The following PCDHGA5 variants were observed in gnomAD, a reference collection of about 807,000 sequenced individuals.
The protein encoded by PCDHGA5 is protocadherin gamma subfamily A, 5.
In PCDHGA5, 36 loss-of-function variants were observed where a neutral mutation model predicts 56.7. The observed-to-expected ratio is 0.64, with a 90% CI of 0.49 to 0.84. The LOEUF (loss-of-function observed/expected upper bound fraction) is 0.84, where lower values mean the gene tolerates loss of function less well. Ranked by LOEUF, PCDHGA5 falls within the 40% of genes least tolerant of loss-of-function variation. PCDHGA5 has a pLI of 0.00. For synonymous variants in PCDHGA5, 563 were observed against 520.2 expected, an observed-to-expected ratio of 1.08 and a Z score of -1.12; for missense variants, 1,305 against 1,201.5, an observed-to-expected ratio of 1.09 and a Z score of -1.27.
rs774366625 is a variant in PCDHGA5, at chr5:141,384,613, T to A, written c.2421+17862T>A. On this transcript the variant is annotated intron_variant, in intron 1 of 3. Coordinates refer to ENST00000518069, the MANE Select transcript of PCDHGA5 (RefSeq NM_018918.3). ...GTACCCGGCCCTCCCCACAGATGGTTCTACTGGCATGGAGCTGGCACCCCG... is the reference window on the plus strand; with the variant it reads ...GTACCCGGCCCTCCCCACAGATGGTACTACTGGCATGGAGCTGGCACCCCG... The A allele has an allele frequency of 9.9e-6, 16 of 1,614,202 alleles. No homozygotes were observed. The Admixed American group carries it at 2.7e-4, about 27-fold the overall frequency.
chr5:141,455,254 G>T (rs936599726), intron 1 of PCDHGA5, among the ~76,000 whole-genome samples: 3 of 151,732 alleles, frequency 2.0e-5, no homozygotes, highest in African/African-American at 7.3e-5. Context: ...TAGTACAATC[G>T]CATTTCTTCC....
At chr5:141,402,816 C>A (rs1009078444) in intron 1 of PCDHGA5, 4 of 1,261,760 alleles carry the variant, frequency 3.2e-6, no homozygotes, top group South Asian at 3.4e-5. Flanking sequence ...ATACCACAAA[C>A]CTGCTCCCAG....
chr5:141,367,840 G>A (rs1011519474), intron 1 of PCDHGA5: 3 of 151,982 alleles, frequency 2.0e-5, no homozygotes, highest in Admixed American at 2.0e-4. Flanking sequence ...AATACCTACT[G>A]CAATGTTAGC....
Position 141,365,471 on chromosome 5 carries a change from G to C in PCDHGA5, c.1141G>C (p.Glu381Gln). 1 of 1,614,030 alleles carries C rather than the reference G, an allele frequency of 6.2e-7. No homozygotes were observed. Among genetic ancestry groups the C allele is most frequent in the South Asian group, 1.1e-5 (1 of 91,084 alleles). ...VHDGDSGENG[E>Q]IACSIPRNLP... ...TGATGGTGATTCTGGAGAAAATGGT[G>C]AGATTGCATGCTCTATTCCTAGGAA... The change falls in exon 1 of 4, where the codon GAG (glutamate) becomes CAG (glutamine). Residue 381 changes from glutamate (E) to glutamine (Q), a missense_variant. Glu to Gln is a conservative substitution (Grantham distance 29, BLOSUM62 2). Coordinates refer to ENST00000518069, the MANE Select transcript of PCDHGA5 (RefSeq NM_018918.3).
At position 141,365,211 on chromosome 5, in the gene PCDHGA5, T is replaced by G; in HGVS notation, c.881T>G (p.Leu294Arg). ...EEEKISETFQLDSNLGEISTL... is the reference protein window; with the variant it reads ...EEEKISETFQRDSNLGEISTL... ...GAAAAAATTTCGGAGACTTTCCAAC[T>G]TGATTCCAACCTGGGGGAAATCTCA... is the stretch of plus-strand genomic sequence containing the variant. The change falls in exon 1 of 4, where the codon CTT becomes CGT. Residue 294 changes from leucine to arginine, a missense_variant. By Grantham distance (102) the Leu-to-Arg change is moderately radical (BLOSUM62 -2). Transcript: ENST00000518069. The G allele has an allele frequency of 6.2e-7, 1 of 1,613,934 alleles. No homozygotes were observed. Among genetic ancestry groups the G allele is most frequent in the Middle Eastern group, 1.6e-4 (1 of 6,062 alleles).
chr5:141,392,299 T>C (rs1165805349), intron 1 of PCDHGA5: 1 of 151,994 alleles, frequency 6.6e-6, no homozygotes, highest in African/African-American at 2.4e-5. Flanking sequence ...GAAATGAAAG[T>C]ATCATGTTTT....
At position 141,398,847 on chromosome 5, in the gene PCDHGA5, G is replaced by C. The variant is rs773663002; in HGVS notation, c.2421+32096G>C. ...TAACCGACGCCAATGATAATCCCCC[G>C]GTATTCAACCGAGACGTGTACAGAG... On this transcript the variant is annotated intron_variant, in intron 1 of 3. Coordinates refer to ENST00000518069, the MANE Select transcript of PCDHGA5 (RefSeq NM_018918.3). The C allele has an allele frequency of 3.8e-5, 62 of 1,613,758 alleles. 1 individual carries two copies. In the Admixed American group the frequency reaches 1.0e-3, roughly 27 times the overall value.
rs543209695 is a variant in PCDHGA5 at position 141,431,563 on chromosome 5, C to T, written c.2422-63244C>T. 24 of 1,614,026 alleles carry T rather than the reference C, an allele frequency of 1.5e-5. No individual in the cohort carries two copies. Among genetic ancestry groups the T allele is most frequent in the Non-Finnish European group, 1.9e-5 (23 of 1,180,046 alleles). ...AGCTGCTTGTAGTCAACGCTACCGA[C>T]CCTGACGAAGGAGTCAATGCGGAAG... On this transcript the variant is annotated intron_variant, in intron 1 of 3. Transcript: ENST00000518069. The surrounding 1 kb of genome is among the most constrained non-coding windows in gnomAD (Gnocchi z 4.8).
At chr5:141,396,562 G>C (rs2150669769) in intron 1 of PCDHGA5, 1 of 152,144 alleles carries the variant, frequency 6.6e-6, no homozygotes, top group South Asian at 2.1e-4. Context: ...GGAGGTTGCA[G>C]TGAGCCTCGA....
chr5:141,481,691 C>T (rs929210528), intron 1 of PCDHGA5, among the ~76,000 whole-genome samples: 7 of 152,080 alleles, frequency 4.6e-5, no homozygotes, highest in African/African-American at 1.4e-4. Flanking sequence ...TGGTGGCTCA[C>T]GCCTGTAATC....
chr5:141,420,460 A>G lies in PCDHGA5; in HGVS notation c.2421+53709A>G, dbSNP rs946386638. On this transcript the variant is annotated intron_variant, in intron 1 of 3. Coordinates refer to ENST00000518069, the MANE Select transcript of PCDHGA5 (RefSeq NM_018918.3). ...AATGCCTCAGTCTTCCTACTATTCA[A>G]AGACATTTTAAAGCAAACTACATGG... The G allele has an allele frequency of 3.4e-6, 3 of 889,944 alleles. No individual in the cohort carries two copies. The African/African-American group carries it at 5.2e-5, about 16-fold the overall frequency. 55.1% of individuals were successfully genotyped at this position (889,944 alleles called of 1,614,324 possible).
Position 141,365,118 on chromosome 5 carries a change from T to C in PCDHGA5, c.788T>C (p.Met263Thr), listed in dbSNP as rs754097120. Residue 263 changes from methionine to threonine, a missense_variant, in exon 1 of 4, where the codon ATG (methionine) becomes ACG (threonine). Physicochemically the swap from Met to Thr is moderately conservative, Grantham distance 81 (BLOSUM62 -1). Coordinates refer to ENST00000518069, the MANE Select transcript of PCDHGA5 (RefSeq NM_018918.3). ...ENIPVGTRLL[M>T]LTATDPDEGI... is the part of the protein sequence containing the mutation. ...ATACCTGTGGGCACTCGGCTGCTCA[T>C]GCTAACCGCCACGGATCCAGATGAG... 6.2e-7 allele frequency: 1 copy of C among 1,613,888 alleles called. No individual in the cohort carries two copies. Among genetic ancestry groups the C allele is most frequent in the Non-Finnish European group, 8.5e-7 (1 of 1,179,854 alleles).
chr5:141,484,958 G>C (rs2099604320), intron 1 of PCDHGA5: 1 of 575,756 alleles, frequency 1.7e-6, no homozygotes, highest in Non-Finnish European at 3.1e-6. Flanking sequence ...TATTGGCTGA[G>C]CCCGGGAGCC....
intron 1 of PCDHGA5, chr5:141,429,265 T>C (rs1297239650): frequency 6.6e-6 from 1 of 152,148 alleles, no homozygotes; most frequent in Non-Finnish European, 1.5e-5. Flanking sequence ...GAGGAATAAA[T>C]TTTTTTCCTG....
chr5:141,400,776 G>T (rs1461818790), intron 1 of PCDHGA5: 3 of 557,594 alleles, frequency 5.4e-6, no homozygotes, highest in Non-Finnish European at 9.4e-6. Context: ...CATTTGGTGC[G>T]TTTTTTTGTC....
At chr5:141,376,199 G>T in intron 1 of PCDHGA5, 3 of 1,614,162 alleles carry the variant, frequency 1.9e-6, no homozygotes, top group Non-Finnish European at 2.5e-6. Flanking sequence ...CGTCTTCCTG[G>T]CCTTCGTCAT....
intron 1 of PCDHGA5, chr5:141,427,068 G>A (rs1407368715): frequency 2.2e-6 from 1 of 457,950 alleles, no homozygotes; most frequent in East Asian, 6.9e-5. Flanking sequence ...TGTACTAAAG[G>A]TGACAGCCAC....
intron 1 of PCDHGA5, among the ~76,000 whole-genome samples, chr5:141,465,502 G>T (rs948827391): frequency 6.6e-6 from 1 of 152,152 alleles, no homozygotes; most frequent in Non-Finnish European, 1.5e-5. Flanking sequence ...GAGCATTGTC[G>T]TGGTCAGGAA....
intron 2 of PCDHGA5, among the ~76,000 whole-genome samples, 199 bp downstream of exon 2, chr5:141,495,064 C>T (rs563712352): frequency 6.6e-6 from 1 of 152,296 alleles, no homozygotes; most frequent in South Asian, 2.1e-4. Context: ...GTTCAGGAAG[C>T]TCAATTCACA....
Sources: gnomAD v4.1 joint callset for allele counts (sites outside exome capture counted in the v4.1 genomes callset) on GRCh38, gnomAD v4.1.1 for gene constraint, Gnocchi (gnomAD v3.1) non-coding constraint, MANE v1.5 for transcripts, NCBI Gene and HGNC (gene_info 2026-07-23, HGNC 2026-07-21) for gene names.